Variants in SCAI observed in about 807,000 individuals in gnomAD.
SCAI encodes the protein suppressor of cancer cell invasion, also known as protein SCAI.
Under a neutral mutation model 92.2 loss-of-function variants are expected in SCAI, and 24 were observed. The observed-to-expected ratio is 0.26, with a 90% CI of 0.19 to 0.37. The LOEUF (loss-of-function observed/expected upper bound fraction) is 0.37. SCAI is among the 10% of genes least tolerant of loss of function. SCAI has a pLI of 1.00. For missense variants in SCAI, 450 were observed against 736.2 expected (o/e 0.61, Z 4.50); for synonymous variants, 261 against 258.6 (o/e 1.01, Z -0.09).
At chr9:125,035,994 T>C (rs986280622) in intron 3 of SCAI, among the ~76,000 whole-genome samples, 1 of 152,290 alleles carries the variant, frequency 6.6e-6, no homozygotes, top group Admixed American at 6.5e-5. Context: ...AACTTGTTTT[T>C]ACTTTAAAAA....
At chr9:124,960,817 T>C (rs974130325) in intron 17 of SCAI, among the ~76,000 whole-genome samples, 7 of 152,158 alleles carry the variant, frequency 4.6e-5, no homozygotes, top group Non-Finnish European at 1.0e-4. Context: ...TATGTAAACT[T>C]TACATAAAAA....
At chr9:125,070,981 G>GT (rs1833969717) in intron 2 of SCAI, among the ~76,000 whole-genome samples, 1 of 152,122 alleles carries the variant, frequency 6.6e-6, no homozygotes, top group East Asian at 1.9e-4. Flanking sequence ...TGTTCTCATG[G>GT]TAGTGAATAA....
chr9:125,069,213 A>C (rs929002305), intron 2 of SCAI, among the ~76,000 whole-genome samples: 2 of 152,010 alleles, frequency 1.3e-5, no homozygotes, highest in African/African-American at 4.8e-5. Flanking sequence ...GTGAGACTCC[A>C]TCTCAAGAAA....
intron 17 of SCAI, among the ~76,000 whole-genome samples, chr9:124,959,726 C>T (rs1177941298): frequency 6.8e-6 from 1 of 147,064 alleles, no homozygotes; most frequent in Non-Finnish European, 1.5e-5. Flanking sequence ...TGATGTTCCC[C>T]TTCCTGTGTC....
chr9:125,034,318 T>A (rs1833145738), intron 3 of SCAI, among the ~76,000 whole-genome samples: 1 of 152,126 alleles, frequency 6.6e-6, no homozygotes, highest in South Asian at 2.1e-4. Context: ...AAAGGTAAGA[T>A]CTGGAAGGGC....
chr9:124,987,539 A>G (rs112023327), intron 14 of SCAI, among the ~76,000 whole-genome samples: 1 of 152,166 alleles, frequency 6.6e-6, no homozygotes, highest in Non-Finnish European at 1.5e-5. Context: ...GGGAAAGAGC[A>G]TGGGCACTGC....
chr9:125,041,155 T>A (rs1051722430), intron 3 of SCAI, among the ~76,000 whole-genome samples: 2 of 152,202 alleles, frequency 1.3e-5, no homozygotes, highest in East Asian at 1.9e-4. Flanking sequence ...AACTGCATTT[T>A]AAAAATCCAT....
At chr9:125,017,672 T>TCA (rs1406156449) in intron 9 of SCAI, among the ~76,000 whole-genome samples, 4 of 152,128 alleles carry the variant, frequency 2.6e-5, no homozygotes, top group Non-Finnish European at 5.9e-5. Flanking sequence ...TGCTACTCTG[T>TCA]CATGAAAAAA....
At chr9:125,032,195 A>ATTTTTTTTTTTTTT (rs71374219) in intron 3 of SCAI, among the ~76,000 whole-genome samples, 1 of 99,476 alleles carries the variant, frequency 1.0e-5, no homozygotes, top group African/African-American at 4.8e-5. Context: ...ATATATATAT[A>ATTTTTTTTTTTTTT]TTTTTTTTTT....
chr9:124,963,289 C>T (rs1273671542), intron 17 of SCAI, among the ~76,000 whole-genome samples: 1 of 151,432 alleles, frequency 6.6e-6, no homozygotes, highest in Non-Finnish European at 1.5e-5. Flanking sequence ...GGTGCTCACA[C>T]CATGCTCGGC....
chr9:125,008,782 C>A (rs75330196), intron 9 of SCAI, among the ~76,000 whole-genome samples: 1 of 152,022 alleles, frequency 6.6e-6, no homozygotes, highest in African/African-American at 2.4e-5. Flanking sequence ...AGAAGGGAAA[C>A]AATACTCAGA....
intron 1 of SCAI, 118 bp from the exon 2 acceptor site, chr9:125,142,795 G>A: frequency 1.2e-6 from 1 of 820,964 alleles, no homozygotes; most frequent in East Asian, 2.5e-5. Context: ...GGCTCGCCAA[G>A]CCCAGATCTG....
chr9:125,050,730 A>C (rs1285526253), intron 3 of SCAI, among the ~76,000 whole-genome samples: 1 of 151,742 alleles, frequency 6.6e-6, no homozygotes, highest in East Asian at 1.9e-4. Context: ...ACACCACCAC[A>C]CCCAGCTAAT....
chr9:125,046,308 T>C (rs1833438951), intron 3 of SCAI, among the ~76,000 whole-genome samples: 1 of 15,988 alleles, frequency 6.3e-5, no homozygotes, highest in African/African-American at 1.4e-4. Flanking sequence ...GCCTATCTCA[T>C]ATATATATAC....
intron 6 of SCAI, among the ~76,000 whole-genome samples, chr9:125,023,425 G>A (rs540776051): frequency 2.9e-4 from 44 of 152,176 alleles, no homozygotes; most frequent in Non-Finnish European, 4.3e-4. Flanking sequence ...TCATATTGTC[G>A]AAAGTGGAAT....
chr9:125,023,471 A>G (rs1832908143), intron 6 of SCAI, among the ~76,000 whole-genome samples: 1 of 152,220 alleles, frequency 6.6e-6, no homozygotes, highest in Non-Finnish European at 1.5e-5. Flanking sequence ...GATGATGTCA[A>G]TTCAAACTTG....
intron 9 of SCAI, among the ~76,000 whole-genome samples, chr9:125,010,293 C>T (rs961585744): frequency 6.6e-6 from 1 of 152,200 alleles, no homozygotes; most frequent in Non-Finnish European, 1.5e-5. Context: ...AAAGGAGTGA[C>T]AGATGGCACC....
In SCAI at chr9:124,945,921, T is replaced by C. The variant is rs1831138220; in HGVS notation, c.*6886A>G. 6.6e-6 allele frequency: 1 copy of C among 152,118 alleles called. No homozygotes were observed. Among genetic ancestry groups the C allele is most frequent in the Non-Finnish European group, 1.5e-5 (1 of 68,036 alleles). The allele number at this position is 152,118 out of a possible 1,614,324, so 9.4% of individuals were successfully genotyped here. A position where few individuals can be genotyped will look rare whatever the true frequency, so the allele number is the denominator to read the frequency against. ...AGACTGAGAGGTACAGCAAAAATAG[T>C]TGTAAAGTATCAATGTATAAGAGCG... On this transcript the variant is annotated 3_prime_UTR_variant, in exon 18 of 18. Transcript: ENST00000336505.
At chr9:125,082,583 T>C (rs1196506874) in intron 2 of SCAI, among the ~76,000 whole-genome samples, 2 of 152,138 alleles carry the variant, frequency 1.3e-5, no homozygotes, top group Admixed American at 6.5e-5. Flanking sequence ...TGCCAGCCCA[T>C]GAAAGCAGCC....
Sources: allele counts gnomAD v4.1 joint callset (sites outside exome capture counted in the v4.1 genomes callset), GRCh38; gene constraint gnomAD v4.1.1; transcripts MANE v1.5; gene names NCBI Gene and HGNC (gene_info 2026-07-23, HGNC 2026-07-21).